FHOD3: variants seen among roughly 807,000 people sequenced by gnomAD.
FHOD3 encodes the protein formin homology 2 domain containing 3.
Under a neutral mutation model 173.0 loss-of-function variants are expected in FHOD3, and 90 were observed. The ratio of observed to expected loss-of-function variants is 0.52; its 90% confidence interval spans 0.44 to 0.62. The LOEUF (loss-of-function observed/expected upper bound fraction) is 0.62, where lower values mean the gene tolerates loss of function less well. Among genes scored for constraint, FHOD3 ranks in the 20% least tolerant of loss-of-function variants. FHOD3 has a pLI of 0.00. For synonymous variants in FHOD3, 828 were observed against 823.0 expected (o/e 1.01, Z -0.10); for missense variants, 1,945 against 2,034.7 (o/e 0.96, Z 0.85).
intron 1 of FHOD3, among the ~76,000 whole-genome samples, chr18:36,348,379 G>T (rs2045963919): frequency 1.3e-5 from 2 of 152,206 alleles, no homozygotes; most frequent in Non-Finnish European, 2.9e-5. Context: ...GGGACCCATA[G>T]TCAAGCTGGC....
intron 3 of FHOD3, among the ~76,000 whole-genome samples, chr18:36,479,154 C>T (rs1466916043): frequency 6.6e-6 from 1 of 152,224 alleles, no homozygotes; most frequent in East Asian, 1.9e-4. Context: ...AAGTAGGTAA[C>T]CTCTGTTTTA....
rs141622445 is a variant in FHOD3, at chr18:36,367,911, C to T, written c.273-4769C>T. Among the ~76,000 whole-genome samples, 27 of 149,296 alleles carry T rather than the reference C, an allele frequency of 1.8e-4. No homozygotes were observed. In the East Asian group the frequency reaches 3.7e-3, roughly 21 times the overall value. On this transcript the variant is annotated intron_variant, in intron 2 of 28. Transcript: ENST00000590592. Reference sequence around the variant, plus strand: ...AAGTGTTTGGCAGTCACCCCCCCATCCCTCCCCACCGCTTTCTCCCCAGCC... The same window carrying T: ...AAGTGTTTGGCAGTCACCCCCCCATTCCTCCCCACCGCTTTCTCCCCAGCC...
chr18:36,642,988 T>C (rs1419327695), intron 10 of FHOD3, among the ~76,000 whole-genome samples: 14 of 152,176 alleles, frequency 9.2e-5, no homozygotes, highest in Admixed American at 7.9e-4. Context: ...TCTGATTTTC[T>C]GCACTTTGTT....
At chr18:36,403,234 C>A (rs576537071) in intron 3 of FHOD3, among the ~76,000 whole-genome samples, 1 of 152,328 alleles carries the variant, frequency 6.6e-6, no homozygotes, top group South Asian at 2.1e-4. Flanking sequence ...CTGTCCTCTG[C>A]AGCTTCCCTC....
intron 15 of FHOD3, 63 bp downstream of exon 15, chr18:36,681,633 C>A: frequency 1.3e-6 from 2 of 1,514,766 alleles, no homozygotes; most frequent in Non-Finnish European, 1.8e-6. Flanking sequence ...TGTGACTTTA[C>A]AACTGTATAC....
chr18:36,542,214 A>G (rs1437381622), intron 5 of FHOD3, among the ~76,000 whole-genome samples: 15 of 152,206 alleles, frequency 9.9e-5, no homozygotes, highest in Admixed American at 9.8e-4. Context: ...TGGGCAAATT[A>G]AATGGATCAG....
At chr18:36,388,366 A>T (rs2048128265) in intron 3 of FHOD3, among the ~76,000 whole-genome samples, 1 of 152,062 alleles carries the variant, frequency 6.6e-6, no homozygotes, top group African/African-American at 2.4e-5. Flanking sequence ...TGGGACTGTA[A>T]CCCAGTCCCA....
At chr18:36,424,900 T>C (rs2050161310) in intron 3 of FHOD3, among the ~76,000 whole-genome samples, 1 of 152,200 alleles carries the variant, frequency 6.6e-6, no homozygotes, top group African/African-American at 2.4e-5. Context: ...CCAGTGGCCA[T>C]CTCAGTTATC....
chr18:36,694,420 G>A (rs929434985), intron 17 of FHOD3, among the ~76,000 whole-genome samples: 2 of 152,188 alleles, frequency 1.3e-5, no homozygotes, highest in African/African-American at 4.8e-5. Context: ...CTCCTCCACA[G>A]CTTCCCGTGA....
At chr18:36,723,061 A>T (rs549641948) in intron 19 of FHOD3, among the ~76,000 whole-genome samples, 1 of 152,164 alleles carries the variant, frequency 6.6e-6, no homozygotes, top group South Asian at 2.1e-4. Flanking sequence ...GGATGTGGTG[A>T]ATCGTATAGG....
intron 1 of FHOD3, among the ~76,000 whole-genome samples, chr18:36,329,287 C>T (rs1296854252): frequency 6.6e-6 from 1 of 152,152 alleles, no homozygotes; most frequent in Non-Finnish European, 1.5e-5. Context: ...TGATTTGTAC[C>T]AGTCCGCCCA....
chr18:36,552,136 A>C (rs2057683519), intron 5 of FHOD3, among the ~76,000 whole-genome samples: 1 of 152,188 alleles, frequency 6.6e-6, no homozygotes, highest in Non-Finnish European at 1.5e-5. Flanking sequence ...TGAGCATGGA[A>C]TGTTCTTCCA....
chr18:36,669,728 T>C (rs1382836303), intron 14 of FHOD3, among the ~76,000 whole-genome samples: 1 of 152,004 alleles, frequency 6.6e-6, no homozygotes, highest in African/African-American at 2.4e-5. Flanking sequence ...ACCTTTAAAA[T>C]GTTGTAAACT....
At chr18:36,385,563 A>G (rs938121632) in intron 3 of FHOD3, among the ~76,000 whole-genome samples, 1 of 151,866 alleles carries the variant, frequency 6.6e-6, no homozygotes, top group Non-Finnish European at 1.5e-5. Flanking sequence ...TGCCTGGCTA[A>G]TTTTCATATT....
chr18:36,545,335 A>G lies in FHOD3; in HGVS notation c.512-31116A>G, dbSNP rs536283607. Among the ~76,000 whole-genome samples, 13 of 152,340 alleles carry G rather than the reference A, an allele frequency of 8.5e-5. No individual in the cohort carries two copies. In the East Asian group the frequency reaches 2.3e-3, roughly 27 times the overall value. ...GTGATAACTGCTGTGAAGAAAAGTA[A>G]AGCAGGTGTGAGGCTTCTAGAGGGT... On this transcript the variant is annotated intron_variant, in intron 5 of 28. Transcript: ENST00000590592.
intron 7 of FHOD3, among the ~76,000 whole-genome samples, chr18:36,595,751 G>A (rs2030243803): frequency 6.6e-6 from 1 of 152,142 alleles, no homozygotes; most frequent in Non-Finnish European, 1.5e-5. Context: ...CCGTGATATT[G>A]GGAAGCCTGG....
At position 36,657,558 on chromosome 18, in the gene FHOD3, G is replaced by A. The variant is rs76311674; in HGVS notation, c.1722-517G>A. Among the ~76,000 whole-genome samples the A allele has an allele frequency of 9.2e-4, 140 of 152,246 alleles. 1 individual carries two copies. In the East Asian group the frequency reaches 0.023, roughly 25 times the overall value. ...GAGCAGGCCAGTCCAGAAAGCCTGG[G>A]GACAGTTTCTCCTCAATCACTGAAC... On this transcript the variant is annotated intron_variant, in intron 13 of 28. Transcript: ENST00000590592.
At chr18:36,415,874 G>C (rs996576877) in intron 3 of FHOD3, among the ~76,000 whole-genome samples, 6 of 152,194 alleles carry the variant, frequency 3.9e-5, no homozygotes, top group Admixed American at 3.9e-4. Flanking sequence ...AAGACAGAGA[G>C]AAAGAAATTT....
chr18:36,671,194 C>A lies in FHOD3; in HGVS notation c.1836-10242C>A, dbSNP rs538072528. On this transcript the variant is annotated intron_variant, in intron 14 of 28. Coordinates refer to ENST00000590592, the MANE Select transcript of FHOD3 (RefSeq NM_001281740.3). ...AGACCCTTTCTGGTATGTTACCCTG[C>A]CAGTGTTATCCCCATTGGCCTCTCT... Among the ~76,000 whole-genome samples, 4 of 152,360 alleles carry A rather than the reference C, an allele frequency of 2.6e-5. 1 individual carries two copies. The South Asian group carries it at 8.3e-4, about 32-fold the overall frequency.
Sources: gnomAD v4.1 joint callset for allele counts (sites outside exome capture counted in the v4.1 genomes callset) on GRCh38, gnomAD v4.1.1 for gene constraint, MANE v1.5 for transcripts, NCBI Gene and HGNC (gene_info 2026-07-23, HGNC 2026-07-21) for gene names.